The following B4GALT6 variants were observed in gnomAD, a reference collection of about 807,000 sequenced individuals.
B4GALT6 encodes the protein beta-1,4-galactosyltransferase 6, also known as UDP-Gal:beta-GlcNAc beta-1,4-galactosyltransferase 6.
A neutral mutation model predicts 46.3 loss-of-function variants in B4GALT6; 14 were observed. The observed-to-expected ratio is 0.30, with a 90% CI of 0.20 to 0.47. B4GALT6 has a LOEUF of 0.47. Among genes scored for constraint, B4GALT6 ranks in the 20% least tolerant of loss-of-function variants. The probability of loss-of-function intolerance (pLI) is 0.99; values close to 1 mark genes in which losing one functional copy is unlikely to be tolerated. For synonymous variants in B4GALT6, 168 were observed against 162.0 expected (o/e 1.04, Z -0.28); for missense variants, 386 against 480.1 (o/e 0.80, Z 1.83).
intron 4 of B4GALT6, among the ~76,000 whole-genome samples, chr18:31,641,001 T>C (rs1194610234): frequency 2.0e-5 from 3 of 152,226 alleles, no homozygotes; most frequent in African/African-American, 7.2e-5. Flanking sequence ...GCTTAGTAAG[T>C]CAAGCCTGCC....
At position 31,624,954 on chromosome 18, in the gene B4GALT6, C is replaced by T. The variant is rs554571952; in HGVS notation, c.*660G>A. ...AAGCAAGGAAAAACATAGGTAATCC[C>T]GGTAGGAAGAAAAGCTATTTAAGTC... On this transcript the variant is annotated 3_prime_UTR_variant, in exon 9 of 9. Coordinates refer to ENST00000306851, the MANE Select transcript of B4GALT6 (RefSeq NM_004775.5). 2 of 152,670 alleles carry T rather than the reference C, an allele frequency of 1.3e-5. No individual in the cohort carries two copies. The highest frequency in any genetic ancestry group is 2.1e-4 in the South Asian group (1 of 4,816). 9.5% of individuals were successfully genotyped at this position (152,670 alleles called of 1,614,324 possible).
the B4GALT6 span, among the ~76,000 whole-genome samples, chr18:31,696,360 AAAG>A: frequency 1.3e-5 from 2 of 152,230 alleles, no homozygotes; most frequent in African/African-American, 2.4e-5. Context: ...ATTAAACTAA[AAAG>A]AAGGAGGCCC....
the B4GALT6 span, among the ~76,000 whole-genome samples, chr18:31,696,043 T>TAC: frequency 2.0e-5 from 3 of 152,312 alleles, no homozygotes; most frequent in East Asian, 1.9e-4. Flanking sequence ...AAATGAATTT[T>TAC]ACACACACAC....
At chr18:31,629,040 G>A (rs2073740574) in intron 6 of B4GALT6, among the ~76,000 whole-genome samples, 1 of 152,054 alleles carries the variant, frequency 6.6e-6, no homozygotes, top group South Asian at 2.1e-4. Flanking sequence ...AGACCTTCAG[G>A]ATGATCCACT....
At chr18:31,697,447 A>G in the B4GALT6 span, among the ~76,000 whole-genome samples, 1 of 115,670 alleles carries the variant, frequency 8.6e-6, no homozygotes, top group East Asian at 3.0e-4. Flanking sequence ...GATCACAGAC[A>G]TCTGGGTGGC....
In B4GALT6 at chr18:31,625,696, C is replaced by T; in HGVS notation, c.1067G>A (p.Arg356Lys). ...CAACCTATCAACCAGTATTTTTGGC[C>T]TATATATTAAATTGTTCAGTCCATC... ...YIDGLNNLIY[R>K]PKILVDRLYT... Residue 356 changes from arginine to lysine, a missense_variant, in exon 9 of 9, where the codon AGG becomes AAG. Arg to Lys is a conservative substitution (Grantham distance 26, BLOSUM62 2). Around this residue, in one of 2 missense-constraint regions of B4GALT6, gnomAD observed 323 missense variants for 438.9 expected, o/e 0.74. Coordinates refer to ENST00000306851, the MANE Select transcript of B4GALT6 (RefSeq NM_004775.5). 6.2e-7 allele frequency: 1 copy of T among 1,613,412 alleles called. No homozygotes were observed. The highest frequency in any genetic ancestry group is 8.5e-7 in the Non-Finnish European group (1 of 1,179,678).
At chr18:31,632,953 G>A (rs1397965653) in intron 5 of B4GALT6, among the ~76,000 whole-genome samples, 2 of 152,004 alleles carry the variant, frequency 1.3e-5, no homozygotes, top group African/African-American at 2.4e-5. Context: ...CACCTGGGTC[G>A]TCTTCATTCC....
rs2074515472 is a variant in B4GALT6, at chr18:31,684,293, G to A, written c.115+19C>T. The A allele has an allele frequency of 6.2e-7, 1 of 1,612,906 alleles. No homozygotes were observed. Among genetic ancestry groups the A allele is most frequent in the African/African-American group, 1.3e-5 (1 of 74,840 alleles). ...CTGTGGTGTGACCAGGGGAAGCGAG[G>A]GTGTGTCTCGGTGCTTACCGATGCC... On this transcript the variant is annotated intron_variant, in intron 1 of 8. Coordinates refer to ENST00000306851, the MANE Select transcript of B4GALT6 (RefSeq NM_004775.5).
At chr18:31,720,451 G>T in the B4GALT6 span, among the ~76,000 whole-genome samples, 48 of 152,186 alleles carry the variant, frequency 3.2e-4, no homozygotes, top group Non-Finnish European at 4.0e-4. Context: ...CTTCAGCTAT[G>T]GGTGCCATCG....
chr18:31,723,952 C>CCACCT, the B4GALT6 span, among the ~76,000 whole-genome samples: 1 of 151,508 alleles, frequency 6.6e-6, no homozygotes, highest in African/African-American at 2.4e-5. Flanking sequence ...CACCTCCAAC[C>CCACCT]CACCCCACCC....
intron 1 of B4GALT6, among the ~76,000 whole-genome samples, chr18:31,675,684 A>C (rs2074406840): frequency 6.6e-6 from 1 of 152,172 alleles, no homozygotes; most frequent in Non-Finnish European, 1.5e-5. Context: ...TCAAGGAAGG[A>C]AGAATGCAGG....
chr18:31,667,889 G>A (rs543605452), intron 1 of B4GALT6, among the ~76,000 whole-genome samples: 1 of 152,244 alleles, frequency 6.6e-6, no homozygotes, highest in East Asian at 1.9e-4. Context: ...GAGGTCAACA[G>A]ATCGAGACCA....
At chr18:31,709,741 A>G in the B4GALT6 span, among the ~76,000 whole-genome samples, 2 of 152,014 alleles carry the variant, frequency 1.3e-5, no homozygotes, top group Admixed American at 1.3e-4. Context: ...GTTCCAGACA[A>G]ATAGGAAATT....
chr18:31,705,492 G>A, the B4GALT6 span, among the ~76,000 whole-genome samples: 4 of 152,146 alleles, frequency 2.6e-5, no homozygotes, highest in African/African-American at 4.8e-5. Context: ...GGGTCCAAGC[G>A]ATTCTCCTGT....
chr18:31,670,048 AATG>A (rs1252963912), intron 1 of B4GALT6, among the ~76,000 whole-genome samples: 1 of 152,056 alleles, frequency 6.6e-6, no homozygotes, highest in African/African-American at 2.4e-5. Flanking sequence ...AACTGTTAAA[AATG>A]ATGATCTTTT....
intron 3 of B4GALT6, among the ~76,000 whole-genome samples, chr18:31,657,131 C>T (rs928677980): frequency 6.6e-6 from 1 of 152,160 alleles, no homozygotes; most frequent in African/African-American, 2.4e-5. Context: ...AGCAATTCCA[C>T]CACTAGCCAT....
At chr18:31,671,060 C>T (rs1041781169) in intron 1 of B4GALT6, among the ~76,000 whole-genome samples, 1 of 152,120 alleles carries the variant, frequency 6.6e-6, no homozygotes, top group Non-Finnish European at 1.5e-5. Flanking sequence ...CATCCATGTC[C>T]CTGCAAAGGA....
At chr18:31,700,748 G>A in the B4GALT6 span, among the ~76,000 whole-genome samples, 2 of 152,096 alleles carry the variant, frequency 1.3e-5, no homozygotes, top group Admixed American at 6.6e-5. Flanking sequence ...GAGCCACCGC[G>A]CCCGGCCAAA....
At chr18:31,631,761 T>G (rs565231475) in intron 5 of B4GALT6, among the ~76,000 whole-genome samples, 2 of 152,340 alleles carry the variant, frequency 1.3e-5, no homozygotes, top group Non-Finnish European at 2.9e-5. Flanking sequence ...TCTAACTTTC[T>G]ATTATTAATG....
Sources: gnomAD v4.1 joint callset for allele counts (sites outside exome capture counted in the v4.1 genomes callset) on GRCh38, gnomAD v4.1.1 for gene constraint, gnomAD v4.1.1 regional missense constraint, MANE v1.5 for transcripts, NCBI Gene and HGNC (gene_info 2026-07-23, HGNC 2026-07-21) for gene names.